The following SPPL2A variants were observed in gnomAD, a reference collection of about 807,000 sequenced individuals.
SPPL2A encodes the protein signal peptide peptidase like 2A.
SPPL2A carries 51 observed loss-of-function variants against 63.8 expected under a neutral mutation model. The observed-to-expected ratio is 0.80, with a 90% confidence interval of 0.64 to 1.01. The LOEUF (loss-of-function observed/expected upper bound fraction) is 1.01. Among genes scored for constraint, SPPL2A ranks in the 50% least tolerant of loss-of-function variants. The probability of loss-of-function intolerance (pLI) is 0.00; values close to 1 mark genes in which losing one functional copy is unlikely to be tolerated. For missense variants in SPPL2A, 553 were observed against 622.7 expected (o/e 0.89, Z 1.19); for synonymous variants, 188 against 205.8 (o/e 0.91, Z 0.74).
rs1481999985 is a variant in SPPL2A, at chr15:50,703,796, T to C, written c.*4004A>G. The C allele has an allele frequency of 2.0e-5, 3 of 152,094 alleles. No homozygotes were observed. The highest frequency in any genetic ancestry group is 4.4e-5 in the Non-Finnish European group (3 of 68,016). 9.4% of individuals were successfully genotyped at this position (152,094 alleles called of 1,614,324 possible). A position where few individuals can be genotyped will look rare whatever the true frequency, so the allele number is the denominator to read the frequency against. ...ACCTGTATCAAAACATCTCATGCACTCCATAAATATATACACCTACATGTA... is the reference window on the plus strand; with the variant it reads ...ACCTGTATCAAAACATCTCATGCACCCCATAAATATATACACCTACATGTA... On this transcript the variant is annotated 3_prime_UTR_variant, in exon 15 of 15. Coordinates refer to ENST00000261854, the MANE Select transcript of SPPL2A (RefSeq NM_032802.4).
At chr15:50,714,369 C>T (rs1159529171) in intron 14 of SPPL2A, among the ~76,000 whole-genome samples, 2 of 152,058 alleles carry the variant, frequency 1.3e-5, no homozygotes, top group South Asian at 2.1e-4. Flanking sequence ...TGGTGGCTCA[C>T]GCCTATAATC....
At chr15:50,713,293 G>C (rs1378709959) in intron 14 of SPPL2A, among the ~76,000 whole-genome samples, 1 of 145,226 alleles carries the variant, frequency 6.9e-6, no homozygotes, top group Non-Finnish European at 1.5e-5. Context: ...TTGAGATAGA[G>C]TCTTGCTGTC....
At chr15:50,758,886 A>ATATC (rs79216272) in intron 1 of SPPL2A, among the ~76,000 whole-genome samples, 1,656 of 149,688 alleles carry the variant, frequency 0.011, 14 homozygotes, top group Non-Finnish European at 0.012. Context: ...TATAATAAGC[A>ATATC]TATCTATCTA....
In SPPL2A at chr15:50,749,831, G is replaced by T. The variant is rs2062892824; in HGVS notation, c.67-85C>A. 4 of 803,092 alleles carry T rather than the reference G, an allele frequency of 5.0e-6. No homozygotes were observed. In the South Asian group the frequency reaches 5.7e-5, roughly 11 times the overall value. 49.7% of individuals were successfully genotyped at this position (803,092 alleles called of 1,614,324 possible). On this transcript the variant is annotated intron_variant, in intron 1 of 14. Transcript: ENST00000261854. The stretch of plus-strand genomic sequence containing the variant: ...TTTTAATAAAGCTATTTATATGCAG[G>T]GTTGATCACATTTCCTTGAGAGGGA...
At chr15:50,727,808 G>C (rs1343680941) in intron 10 of SPPL2A, among the ~76,000 whole-genome samples, 1 of 152,184 alleles carries the variant, frequency 6.6e-6, no homozygotes, top group Non-Finnish European at 1.5e-5. Context: ...ACTAAGGCCT[G>C]CTGCCTTAAT....
At chr15:50,736,254 T>G in intron 7 of SPPL2A, 52 bp from the exon 8 acceptor site, 1 of 1,064,830 alleles carries the variant, frequency 9.4e-7, no homozygotes, top group South Asian at 1.3e-5. Flanking sequence ...CAATGTTCAC[T>G]TGATATAAGA....
chr15:50,711,330 C>T (rs2062556720), intron 14 of SPPL2A, among the ~76,000 whole-genome samples: 1 of 151,776 alleles, frequency 6.6e-6, no homozygotes, highest in South Asian at 2.1e-4. Context: ...CCCCCTCAGC[C>T]TCCCTAGTAG....
chr15:50,726,183 G>C (rs2062686467), intron 11 of SPPL2A, 138 bp downstream of exon 11: 1 of 1,471,572 alleles, frequency 6.8e-7, no homozygotes, highest in Non-Finnish European at 9.3e-7. Flanking sequence ...TAAGAAAAGA[G>C]CTATATTTTC....
chr15:50,748,435 T>C (rs1180929658), intron 3 of SPPL2A, among the ~76,000 whole-genome samples: 2 of 151,598 alleles, frequency 1.3e-5, no homozygotes, highest in African/African-American at 4.8e-5. Context: ...ATATGTGTAA[T>C]ACATATATAT....
intron 5 of SPPL2A, among the ~76,000 whole-genome samples, chr15:50,741,650 T>TACTA (rs1217774061): frequency 6.6e-6 from 1 of 152,132 alleles, no homozygotes; most frequent in Non-Finnish European, 1.5e-5. Context: ...GCATACAGTG[T>TACTA]ACTAGATTTA....
chr15:50,762,880 G>T (rs539317281), intron 1 of SPPL2A, among the ~76,000 whole-genome samples: 4 of 151,134 alleles, frequency 2.6e-5, no homozygotes, highest in African/African-American at 9.7e-5. Context: ...TAACAGGCAC[G>T]CACCACCACG....
At chr15:50,735,410 C>T (rs28470808) in intron 8 of SPPL2A, among the ~76,000 whole-genome samples, 24,492 of 151,896 alleles carry the variant, frequency 0.16, 2,531 homozygotes, top group East Asian at 0.44. Context: ...TCCTGGAACT[C>T]CCTGCATATC....
intron 14 of SPPL2A, among the ~76,000 whole-genome samples, chr15:50,710,473 C>T (rs930687751): frequency 6.6e-6 from 1 of 152,074 alleles, no homozygotes; most frequent in African/African-American, 2.4e-5. Flanking sequence ...AAAAACAATA[C>T]AGAAACATAA....
intron 8 of SPPL2A, among the ~76,000 whole-genome samples, chr15:50,735,732 C>T (rs775631168): frequency 2.0e-5 from 3 of 152,006 alleles, no homozygotes; most frequent in East Asian, 1.9e-4. Flanking sequence ...TGCACTACCA[C>T]GCCTGGCTAA....
rs2062677509 is a variant in SPPL2A, at chr15:50,725,315, T to C, written c.1155A>G (p.Val385=). 1 of 1,556,288 alleles carries C rather than the reference T, an allele frequency of 6.4e-7. No homozygotes were observed. Among genetic ancestry groups the C allele is most frequent in the Non-Finnish European group, 8.8e-7 (1 of 1,139,626 alleles). ...GPFGNNEKLP[V]VIRVPKLIYF... ...AGATCAGTTTTGGTACTCTGATGAC[T>C]ACTGGCAACTGTTCAAAAACAAAAC... Residue 385 remains valine (V), a synonymous_variant, in exon 12 of 15, where the codon GTA becomes GTG. Coordinates refer to ENST00000261854, the MANE Select transcript of SPPL2A (RefSeq NM_032802.4).
intron 1 of SPPL2A, among the ~76,000 whole-genome samples, chr15:50,753,714 G>A (rs2062928798): frequency 6.6e-6 from 1 of 152,186 alleles, no homozygotes. Flanking sequence ...AAAGATTAAT[G>A]GTTGGAAGAT....
At chr15:50,748,022 C>A in intron 4 of SPPL2A, 91 bp downstream of exon 4, 1 of 560,054 alleles carries the variant, frequency 1.8e-6, no homozygotes, top group Non-Finnish European at 2.9e-6. Flanking sequence ...GCAAATGGAG[C>A]AAATATAACA....
rs774023129 is a variant in SPPL2A, at chr15:50,739,963, TA to T, written c.585-136del. On this transcript the variant is annotated intron_variant, in intron 5 of 14. Coordinates refer to ENST00000261854, the MANE Select transcript of SPPL2A (RefSeq NM_032802.4). ...ATTTATTAAAATATTTTTATTTTAT[TA>T]TTTTTCTAAGCTATCTTGTTATAGC... 36 of 420,040 alleles carry T rather than the reference TA, an allele frequency of 8.6e-5. No homozygotes were observed. In the East Asian group the frequency reaches 8.9e-4, roughly 10 times the overall value. The allele number at this position is 420,040 out of a possible 1,614,324, so 26.0% of individuals were successfully genotyped here.
chr15:50,744,718 C>A (rs2062845408), intron 5 of SPPL2A, among the ~76,000 whole-genome samples: 1 of 152,078 alleles, frequency 6.6e-6, no homozygotes, highest in African/African-American at 2.4e-5. Context: ...ATAATTTTGG[C>A]CATTTGAGTC....
Sources: gnomAD v4.1 joint callset for allele counts (sites outside exome capture counted in the v4.1 genomes callset) on GRCh38, gnomAD v4.1.1 for gene constraint, MANE v1.5 for transcripts, NCBI Gene and HGNC (gene_info 2026-07-23, HGNC 2026-07-21) for gene names.